Variants in ARHGAP18 observed in about 807,000 individuals in gnomAD.
ARHGAP18 encodes the protein rho GTPase-activating protein 18.
In ARHGAP18, 67 loss-of-function variants were observed where a neutral mutation model predicts 86.2. The observed-to-expected ratio is 0.78, with a 90% CI of 0.64 to 0.95. The LOEUF (loss-of-function observed/expected upper bound fraction) is 0.95. Ranked by LOEUF, ARHGAP18 falls within the 40% of genes least tolerant of loss-of-function variation. The probability of loss-of-function intolerance (pLI) is 0.00; values close to 1 mark genes in which losing one functional copy is unlikely to be tolerated. For missense variants in ARHGAP18, 691 were observed against 780.4 expected, an observed-to-expected ratio of 0.89 and a Z score of 1.37; for synonymous variants, 283 against 280.4, an observed-to-expected ratio of 1.01 and a Z score of -0.09.
At chr6:129,640,275 T>C (rs776643480) in intron 2 of ARHGAP18, among the ~76,000 whole-genome samples, 10 of 152,156 alleles carry the variant, frequency 6.6e-5, no homozygotes, top group Non-Finnish European at 1.5e-4. Context: ...GTAGAAAACA[T>C]TCCCAATCTT....
At chr6:129,629,311 A>G (rs1197493617) in intron 5 of ARHGAP18, 42 bp downstream of exon 5, 4 of 1,549,322 alleles carry the variant, frequency 2.6e-6, no homozygotes, top group African/African-American at 1.4e-5. Flanking sequence ...ATATATATGT[A>G]TATGTACATA....
chr6:129,696,622 A>G (rs1263052835), intron 1 of ARHGAP18, among the ~76,000 whole-genome samples: 1 of 152,256 alleles, frequency 6.6e-6, no homozygotes. Flanking sequence ...TATAGTGCTT[A>G]GGATAAAGAA....
At chr6:129,708,104 C>T (rs991499087) in intron 1 of ARHGAP18, among the ~76,000 whole-genome samples, 1 of 152,094 alleles carries the variant, frequency 6.6e-6, no homozygotes, top group Non-Finnish European at 1.5e-5. Flanking sequence ...TCTCCCAAAA[C>T]AACAACAAGT....
At chr6:129,643,251 T>G (rs1773506817) in intron 1 of ARHGAP18, among the ~76,000 whole-genome samples, 1 of 152,212 alleles carries the variant, frequency 6.6e-6, no homozygotes. Flanking sequence ...AAATCTCATC[T>G]TGAATTGTAG....
chr6:129,682,305 C>G (rs1387374922), intron 1 of ARHGAP18, among the ~76,000 whole-genome samples: 3 of 152,196 alleles, frequency 2.0e-5, no homozygotes, highest in African/African-American at 7.2e-5. Context: ...CAACCCACGC[C>G]TTTCTCTTTG....
intron 1 of ARHGAP18, among the ~76,000 whole-genome samples, chr6:129,698,697 T>G (rs1030290921): frequency 2.7e-5 from 4 of 148,276 alleles, no homozygotes; most frequent in South Asian, 4.3e-4. Flanking sequence ...CCCAGTTTTT[T>G]TTTTTTTTTT....
At chr6:129,708,410 T>G (rs906313859) in intron 1 of ARHGAP18, among the ~76,000 whole-genome samples, 2 of 152,026 alleles carry the variant, frequency 1.3e-5, no homozygotes, top group African/African-American at 4.8e-5. Context: ...AATGATCTGA[T>G]CCTCTCTTAT....
chr6:129,642,509 T>G (rs1036450989), intron 1 of ARHGAP18, among the ~76,000 whole-genome samples: 2 of 151,682 alleles, frequency 1.3e-5, no homozygotes, highest in Non-Finnish European at 2.9e-5. Flanking sequence ...GGTCTGAAAC[T>G]CCTGGCCTCA....
chr6:129,671,452 G>C (rs1328715772), intron 1 of ARHGAP18, among the ~76,000 whole-genome samples: 4 of 152,182 alleles, frequency 2.6e-5, no homozygotes, highest in Admixed American at 6.5e-5. Context: ...TAACCTCAGT[G>C]CTTTGGGAGG....
At chr6:129,649,462 G>A (rs149182021) in intron 1 of ARHGAP18, among the ~76,000 whole-genome samples, 5,518 of 148,094 alleles carry the variant, frequency 0.037, 314 homozygotes, top group African/African-American at 0.12. Flanking sequence ...GCTGAGGCAG[G>A]AGAATTGCTG....
chr6:129,647,673 T>TA (rs371133047), intron 1 of ARHGAP18, among the ~76,000 whole-genome samples: 160 of 143,958 alleles, frequency 1.1e-3, no homozygotes, highest in East Asian at 2.2e-3. Context: ...TTTTAATGTG[T>TA]AAAAAAAAAA....
At chr6:129,690,777 G>A (rs1200996452) in intron 1 of ARHGAP18, among the ~76,000 whole-genome samples, 2 of 152,106 alleles carry the variant, frequency 1.3e-5, no homozygotes, top group Non-Finnish European at 2.9e-5. Flanking sequence ...AGATTCATGT[G>A]AGACCAAATA....
rs1554336318 is a variant in ARHGAP18, at chr6:129,625,897, T to TATATTATATATTATAG, written c.786+3455_786+3456insCTATAATATATAATAT. Among the ~76,000 whole-genome samples, 8 of 80,460 alleles carry TATATTATATATTATAG rather than the reference T, an allele frequency of 9.9e-5. 1 individual carries two copies. The highest frequency in any genetic ancestry group is 2.7e-4 in the African/African-American group (6 of 21,948). 52.8% of individuals were successfully genotyped at this position (80,460 alleles called of 152,430 possible). On this transcript the variant is annotated intron_variant, in intron 5 of 14. Transcript: ENST00000368149. ...TTATATATTTATATATTATATATTA[T>TATATTATATATTATAG]ATATTTATATATTATATATTATAGA...
At chr6:129,642,057 A>G in intron 1 of ARHGAP18, 39 bp from the exon 2 acceptor site, 10 of 1,576,480 alleles carry the variant, frequency 6.3e-6, no homozygotes, top group Non-Finnish European at 8.7e-6. Context: ...TTTTAGTACA[A>G]AAGGAAGCAG....
chr6:129,579,708 A>G lies in ARHGAP18; in HGVS notation c.1900+362T>C, dbSNP rs936997214. Among the ~76,000 whole-genome samples, 7 of 152,218 alleles carry G rather than the reference A, an allele frequency of 4.6e-5. No individual in the cohort carries two copies. In the East Asian group the frequency reaches 1.2e-3, roughly 25 times the overall value. On this transcript the variant is annotated intron_variant, in intron 14 of 14. Transcript: ENST00000368149. ...TACTAAAAATATCTAATACTGTACT[A>G]TAATAAAGTGTTATCTTAGCCTTAT...
rs1210942734 is a variant in ARHGAP18 at position 129,667,198 on chromosome 6, A to AT, written c.114-25181dup. Among the ~76,000 whole-genome samples, 1,397 of 151,390 alleles carry AT rather than the reference A, an allele frequency of 9.2e-3. 7 individuals are homozygous for AT. The highest frequency in any genetic ancestry group is 0.017 in the African/African-American group (689 of 41,260). On this transcript the variant is annotated intron_variant, in intron 1 of 14. Coordinates refer to ENST00000368149, the MANE Select transcript of ARHGAP18 (RefSeq NM_033515.3). Reference sequence around the variant, plus strand: ...CCCAATTTTACTAAGAAAAAAATATATTTTTTTTTCCCATGGAATAATATC... The same window carrying AT: ...CCCAATTTTACTAAGAAAAAAATATATTTTTTTTTTCCCATGGAATAATATC...
intron 1 of ARHGAP18, among the ~76,000 whole-genome samples, chr6:129,644,637 G>A (rs1478947739): frequency 6.6e-6 from 1 of 152,172 alleles, no homozygotes; most frequent in Non-Finnish European, 1.5e-5. Context: ...TGTAAACTGT[G>A]TGAAGTATAA....
chr6:129,593,414 T>C (rs1018534094), intron 12 of ARHGAP18, among the ~76,000 whole-genome samples: 27 of 152,110 alleles, frequency 1.8e-4, no homozygotes, highest in Non-Finnish European at 3.7e-4. Context: ...TGAGCCATGA[T>C]TGCACCATTG....
intron 6 of ARHGAP18, among the ~76,000 whole-genome samples, chr6:129,618,480 C>T (rs1789141673): frequency 6.6e-6 from 1 of 152,150 alleles, no homozygotes; most frequent in South Asian, 2.1e-4. Context: ...TTTGACTATG[C>T]CTTTATTCTC....
Sources: gnomAD v4.1 joint callset for allele counts (sites outside exome capture counted in the v4.1 genomes callset) on GRCh38, gnomAD v4.1.1 for gene constraint, MANE v1.5 for transcripts, NCBI Gene and HGNC (gene_info 2026-07-23, HGNC 2026-07-21) for gene names.